PRKN: variants seen among roughly 807,000 people sequenced by gnomAD.
PRKN encodes the protein parkin RBR E3 ubiquitin protein ligase.
Under a neutral mutation model 59.5 loss-of-function variants are expected in PRKN, and 56 were observed. That is an observed-to-expected ratio of 0.94 (90% CI 0.76 to 1.18). The LOEUF is 1.18. Ranked by LOEUF, PRKN falls within the 50% of genes most tolerant of loss-of-function variation. PRKN has a pLI of 0.00. For synonymous variants in PRKN, 250 were observed against 222.1 expected (o/e 1.13, Z -1.12); for missense variants, 657 against 596.4 (o/e 1.10, Z -1.06).
At chr6:162,338,864 C>T (rs1249057876) in intron 2 of PRKN, among the ~76,000 whole-genome samples, 74 of 147,240 alleles carry the variant, frequency 5.0e-4, no homozygotes, top group South Asian at 1.5e-3. Context: ...TCTGCCCGGC[C>T]GCCCATCGTC....
chr6:162,279,063 G>A (rs2128105750), intron 2 of PRKN, among the ~76,000 whole-genome samples: 1 of 152,250 alleles, frequency 6.6e-6, no homozygotes, highest in South Asian at 2.1e-4. Context: ...AGGTGAGGTG[G>A]CTCACGGCTG....
chr6:161,774,381 AGCACACACACAC>A (rs1318655031), intron 7 of PRKN, among the ~76,000 whole-genome samples: 92 of 89,166 alleles, frequency 1.0e-3, no homozygotes, highest in African/African-American at 3.2e-3. Context: ...CTACTCCCTG[AGCACACACACAC>A]ACACACACAC....
chr6:162,229,632 C>T (rs1231577462), intron 3 of PRKN, among the ~76,000 whole-genome samples: 1 of 152,196 alleles, frequency 6.6e-6, no homozygotes, highest in Non-Finnish European at 1.5e-5. Flanking sequence ...CCAGATCCAG[C>T]CACTCTACAT....
chr6:162,711,868 A>C (rs1014948049), intron 1 of PRKN, among the ~76,000 whole-genome samples: 1 of 152,220 alleles, frequency 6.6e-6, no homozygotes, highest in Non-Finnish European at 1.5e-5. Flanking sequence ...TGCGCAGATC[A>C]TATTAGGTAG....
At chr6:162,360,115 G>A (rs1040750407) in intron 2 of PRKN, among the ~76,000 whole-genome samples, 5 of 151,702 alleles carry the variant, frequency 3.3e-5, no homozygotes, top group Non-Finnish European at 7.4e-5. Context: ...GTGTGGGTGC[G>A]GGTGTGGGTG....
chr6:161,565,529 T>A (rs747559192), intron 8 of PRKN, among the ~76,000 whole-genome samples: 1 of 152,066 alleles, frequency 6.6e-6, no homozygotes, highest in Non-Finnish European at 1.5e-5. Context: ...CCTCACGAGA[T>A]CTGATGGTTG....
At position 161,847,851 on chromosome 6, in the gene PRKN, T is replaced by C. The variant is rs1221260839; in HGVS notation, c.735-61943A>G. Reference sequence around the variant, plus strand: ...AATTCACATTCTATTTCACAAGGGTTGGGAAAGAGGAAGAAATACAGAATG... The same window carrying C: ...AATTCACATTCTATTTCACAAGGGTCGGGAAAGAGGAAGAAATACAGAATG... On this transcript the variant is annotated intron_variant, in intron 6 of 11. Coordinates refer to ENST00000366898, the MANE Select transcript of PRKN (RefSeq NM_004562.3). Among the ~76,000 whole-genome samples, 3 of 152,182 alleles carry C rather than the reference T, an allele frequency of 2.0e-5. No homozygotes were observed. In the South Asian group the frequency reaches 6.2e-4, roughly 31 times the overall value.
intron 4 of PRKN, among the ~76,000 whole-genome samples, chr6:162,112,831 C>T (rs1428460086): frequency 6.6e-6 from 1 of 151,816 alleles, no homozygotes; most frequent in Non-Finnish European, 1.5e-5. Context: ...GTGCCAGCTA[C>T]TCGGGAGGCT....
intron 4 of PRKN, among the ~76,000 whole-genome samples, chr6:162,101,870 T>G (rs1583033845): frequency 6.6e-6 from 1 of 152,276 alleles, no homozygotes; most frequent in Middle Eastern, 3.4e-3. Flanking sequence ...CCCTGAAAAC[T>G]TTACTGTGTA....
intron 1 of PRKN, among the ~76,000 whole-genome samples, chr6:162,724,556 C>T (rs2803061): frequency 0.25 from 37,928 of 152,000 alleles, 5,902 homozygotes; most frequent in Non-Finnish European, 0.36. Flanking sequence ...GAATATTATT[C>T]GCAGTAAGGT....
In PRKN at chr6:161,473,596, T is replaced by C. The variant is rs907340223; in HGVS notation, c.1083+75258A>G. On this transcript the variant is annotated intron_variant, in intron 9 of 11. Coordinates refer to ENST00000366898, the MANE Select transcript of PRKN (RefSeq NM_004562.3). The surrounding 1 kb of genome is among the most constrained non-coding windows in gnomAD (Gnocchi z 4.1). ...TGGTGGGGGGAATTGTGGCAGAAAA[T>C]GGGGAGATATGGGTCAAAGCATACA... Among the ~76,000 whole-genome samples, 2 of 150,548 alleles carry C rather than the reference T, an allele frequency of 1.3e-5. No individual in the cohort carries two copies. The highest frequency in any genetic ancestry group is 2.4e-5 in the African/African-American group (1 of 40,934).
At chr6:161,433,485 A>G (rs1015522815) in intron 9 of PRKN, among the ~76,000 whole-genome samples, 2 of 152,190 alleles carry the variant, frequency 1.3e-5, no homozygotes, top group Non-Finnish European at 2.9e-5. Context: ...GGCTTTGTAC[A>G]TATTTTCATT....
In PRKN at chr6:161,396,505, G is replaced by A. The variant is rs924798123; in HGVS notation, c.1084-9628C>T. Among the ~76,000 whole-genome samples the A allele has an allele frequency of 2.6e-5, 4 of 152,082 alleles. No individual in the cohort carries two copies. The highest frequency in any genetic ancestry group is 4.4e-5 in the Non-Finnish European group (3 of 68,026). On this transcript the variant is annotated intron_variant, in intron 9 of 11. Coordinates refer to ENST00000366898, the MANE Select transcript of PRKN (RefSeq NM_004562.3). This position sits in a 1 kb window ranked among gnomAD's most constrained non-coding sequence, Gnocchi z 5.4. ...AAATTCAATGCCACTTTCAAACATC[G>A]CCATTCATTAGTGGGCCCATTCAAA...
intron 1 of PRKN, among the ~76,000 whole-genome samples, chr6:162,504,470 G>T (rs1793516643): frequency 6.6e-6 from 1 of 152,086 alleles, no homozygotes; most frequent in African/African-American, 2.4e-5. Context: ...CTGGCATAGG[G>T]AACAGATAAT....
At chr6:162,416,985 T>A (rs1182253264) in intron 2 of PRKN, among the ~76,000 whole-genome samples, 1 of 152,154 alleles carries the variant, frequency 6.6e-6, no homozygotes, top group African/African-American at 2.4e-5. Flanking sequence ...CTGTTTTAAA[T>A]CTATAGCTCT....
intron 6 of PRKN, among the ~76,000 whole-genome samples, chr6:161,909,425 A>C (rs564140709): frequency 1.3e-5 from 2 of 152,308 alleles, no homozygotes; most frequent in East Asian, 3.9e-4. Context: ...TAACAATAAA[A>C]ATCATTTCTT....
At chr6:162,591,048 T>C (rs1410592252) in intron 1 of PRKN, among the ~76,000 whole-genome samples, 2 of 152,082 alleles carry the variant, frequency 1.3e-5, no homozygotes, top group African/African-American at 2.4e-5. Flanking sequence ...GCCAGATTCC[T>C]GAATGGCGCA....
chr6:162,481,775 AT>A (rs1165279108), intron 1 of PRKN, among the ~76,000 whole-genome samples: 1 of 152,188 alleles, frequency 6.6e-6, no homozygotes, highest in Non-Finnish European at 1.5e-5. Flanking sequence ...AGAACTATAA[AT>A]TAAACATGAA....
rs367909696 is a variant in PRKN at position 162,104,976 on chromosome 6, G to C, written c.535-50802C>G. On this transcript the variant is annotated intron_variant, in intron 4 of 11. Coordinates refer to ENST00000366898, the MANE Select transcript of PRKN (RefSeq NM_004562.3). ...CATGCTGGCTACATGCTCTGATTTT[G>C]GGTGGCATCAAAGAATACCAATTGT... 1.6e-4 allele frequency among the ~76,000 whole-genome samples: 24 copies of C among 152,266 alleles called. No homozygotes were observed. The East Asian group carries it at 3.1e-3, about 20-fold the overall frequency.
Sources: allele counts gnomAD v4.1 joint callset (sites outside exome capture counted in the v4.1 genomes callset), GRCh38; gene constraint gnomAD v4.1.1; non-coding constraint Gnocchi (gnomAD v3.1); transcripts MANE v1.5; gene names NCBI Gene and HGNC (gene_info 2026-07-23, HGNC 2026-07-21).